The following NSD2 variants were observed in gnomAD, a reference collection of about 807,000 sequenced individuals.
NSD2 encodes histone-lysine N-methyltransferase NSD2.
NSD2 carries 12 observed loss-of-function variants against 139.0 expected under a neutral mutation model. The ratio of observed to expected loss-of-function variants is 0.09; its 90% confidence interval spans 0.06 to 0.14. NSD2 has a LOEUF of 0.14. Among genes scored for constraint, NSD2 ranks in the 10% least tolerant of loss-of-function variants. The pLI, the probability that NSD2 is intolerant of heterozygous loss-of-function variation, is 1.00. For synonymous variants in NSD2, 669 were observed against 648.7 expected, an observed-to-expected ratio of 1.03 and a Z score of -0.48; for missense variants, 1,155 against 1,745.0, an observed-to-expected ratio of 0.66 and a Z score of 6.02.
At chr4:1,889,112 G>A (rs1280291931) in intron 1 of NSD2, among the ~76,000 whole-genome samples, 1 of 151,736 alleles carries the variant, frequency 6.6e-6, no homozygotes, top group Non-Finnish European at 1.5e-5. Flanking sequence ...TGGCCAGGCT[G>A]GTCTGGAACT....
chr4:1,876,456 T>C (rs990716281), intron 1 of NSD2, among the ~76,000 whole-genome samples: 7 of 152,116 alleles, frequency 4.6e-5, no homozygotes, highest in Non-Finnish European at 8.8e-5. Flanking sequence ...TTTGGGAGGC[T>C]GAGGTGGGAG....
chr4:1,956,823 C>T lies in NSD2; in HGVS notation c.2881+635C>T, dbSNP rs1429603951. On this transcript the variant is annotated intron_variant, in intron 15 of 21. Transcript: ENST00000508803. The surrounding 1 kb of genome is among the most constrained non-coding windows in gnomAD (Gnocchi z 5.3). ...GGAGAAGCACACGCTGTGTTGCAGCCGGGTCAGTGCTGGCTCCTGTGTGAC... is the reference window on the plus strand; with the variant it reads ...GGAGAAGCACACGCTGTGTTGCAGCTGGGTCAGTGCTGGCTCCTGTGTGAC... Among the ~76,000 whole-genome samples, 1 of 152,186 alleles carries T rather than the reference C, an allele frequency of 6.6e-6. No homozygotes were observed. The highest frequency in any genetic ancestry group is 2.4e-5 in the African/African-American group (1 of 41,436).
At chr4:1,944,577 G>A (rs983014021) in intron 9 of NSD2, 3 of 1,064,130 alleles carry the variant, frequency 2.8e-6, no homozygotes, top group Non-Finnish European at 1.1e-6. Context: ...TTCACTAGAG[G>A]TGAAAACTTG....
chr4:1,879,369 C>G (rs1714535217), intron 1 of NSD2, among the ~76,000 whole-genome samples: 1 of 152,032 alleles, frequency 6.6e-6, no homozygotes, highest in Admixed American at 6.6e-5. Flanking sequence ...CAGGCGCCCG[C>G]CACCATGCCC....
intron 3 of NSD2, among the ~76,000 whole-genome samples, chr4:1,910,085 T>C (rs1389001835): frequency 6.6e-6 from 1 of 152,192 alleles, no homozygotes; most frequent in African/African-American, 2.4e-5. Flanking sequence ...TACAGCTCAA[T>C]CTAGATTCTT....
chr4:1,894,828 GCAT>G (rs1716036976), intron 1 of NSD2, among the ~76,000 whole-genome samples: 1 of 152,128 alleles, frequency 6.6e-6, no homozygotes, highest in African/African-American at 2.4e-5. Context: ...CTATTTTAAA[GCAT>G]TTAGTTCTAT....
chr4:1,945,904 TACAAC>T (rs1723581181), intron 9 of NSD2: 1 of 1,059,226 alleles, frequency 9.4e-7, no homozygotes, highest in Non-Finnish European at 1.1e-6. Context: ...TCATTTGACT[TACAAC>T]ACACTTCTCT....
intron 3 of NSD2, among the ~76,000 whole-genome samples, chr4:1,909,914 C>G (rs958385003): frequency 1.3e-5 from 2 of 151,360 alleles, no homozygotes; most frequent in Non-Finnish European, 2.9e-5. Flanking sequence ...GCTGTGATTA[C>G]AGGCGTGAGT....
At position 1,976,062 on chromosome 4, in the gene NSD2, C is replaced by G. The variant is rs115487829; in HGVS notation, c.3622-413C>G. Among the ~76,000 whole-genome samples, 1,654 of 152,274 alleles carry G rather than the reference C, an allele frequency of 0.011. 20 individuals carry two copies. The highest frequency in any genetic ancestry group is 0.038 in the African/African-American group (1,571 of 41,554). On this transcript the variant is annotated intron_variant, in intron 20 of 21. Transcript: ENST00000508803. The surrounding 1 kb of genome is among the most constrained non-coding windows in gnomAD (Gnocchi z 5.3). ...CCTCAGCCGTGTTGCTGAGGATGGT[C>G]ACTGCCCTCAGGTCACTGCCGCCCA... is the stretch of plus-strand genomic sequence containing the variant.
Position 1,948,233 on chromosome 4 carries a change from G to A in NSD2, c.1882-2839G>A. ...CTGTGGTGGACGCGGGAAACAACGG[G>A]AAAGTTCTTGACAGAGTCTGTGTCC... is the stretch of plus-strand genomic sequence containing the variant. On this transcript the variant is annotated intron_variant, in intron 9 of 21. Transcript: ENST00000508803. This position sits in a 1 kb window ranked among gnomAD's most constrained non-coding sequence, Gnocchi z 4.5. The A allele has an allele frequency of 9.4e-7, 1 of 1,064,622 alleles. No individual in the cohort carries two copies. The highest frequency in any genetic ancestry group is 1.1e-6 in the Non-Finnish European group (1 of 878,452). 65.9% of individuals were successfully genotyped at this position (1,064,622 alleles called of 1,614,324 possible). A position where few individuals can be genotyped will look rare whatever the true frequency, so the allele number is the denominator to read the frequency against.
intron 17 of NSD2, 63 bp from the exon 18 acceptor site, chr4:1,960,962 GGGAGTCTTGA>G: frequency 8.6e-7 from 1 of 1,163,944 alleles, no homozygotes; most frequent in South Asian, 1.3e-5. Flanking sequence ...GATCATGATG[GGGAGTCTTGA>G]GCCCCGACAC....
At chr4:1,928,575 G>T (rs1348533808) in intron 5 of NSD2, among the ~76,000 whole-genome samples, 1 of 152,156 alleles carries the variant, frequency 6.6e-6, no homozygotes, top group Non-Finnish European at 1.5e-5. Flanking sequence ...TGGCTTCCCC[G>T]CAGAAGCCGT....
At chr4:1,975,128 T>C in intron 19 of NSD2, 124 bp downstream of exon 19, 3 of 1,508,544 alleles carry the variant, frequency 2.0e-6, no homozygotes, top group Non-Finnish European at 2.7e-6. Context: ...TGGAGTCTCT[T>C]TTGGTTTGAA....
At chr4:1,907,060 G>T (rs1251271214) in intron 3 of NSD2, among the ~76,000 whole-genome samples, 2 of 152,122 alleles carry the variant, frequency 1.3e-5, no homozygotes, top group Non-Finnish European at 2.9e-5. Context: ...TGCGGTTGAG[G>T]CTGGGACTCA....
Position 1,929,138 on chromosome 4 carries a change from T to G in NSD2, c.1411-1488T>G, listed in dbSNP as rs574151436. ...GGTGGTGGGTGGGCATTGGTGGGTGTTGGTGTCCAGGCCAGGGTGAGGACA... is the reference window on the plus strand; with the variant it reads ...GGTGGTGGGTGGGCATTGGTGGGTGGTGGTGTCCAGGCCAGGGTGAGGACA... On this transcript the variant is annotated intron_variant, in intron 5 of 21. Coordinates refer to ENST00000508803, the MANE Select transcript of NSD2 (RefSeq NM_001042424.3). Among the ~76,000 whole-genome samples the G allele has an allele frequency of 2.8e-4, 43 of 151,904 alleles. 1 individual carries two copies. In the Middle Eastern group the frequency reaches 0.02, roughly 72 times the overall value.
At chr4:1,947,100 C>CA in intron 9 of NSD2, 1 of 1,065,054 alleles carries the variant, frequency 9.4e-7, no homozygotes, top group African/African-American at 1.6e-5. Flanking sequence ...GCAGTTTTGT[C>CA]ATTGTCCTCA....
At chr4:1,953,635 A>G in intron 12 of NSD2, 111 bp downstream of exon 12, 2 of 1,335,728 alleles carry the variant, frequency 1.5e-6, no homozygotes, top group Non-Finnish European at 2.0e-6. Flanking sequence ...AGCATTAATT[A>G]TCTTGAGTGA....
chr4:1,896,077 C>G (rs1716250790), intron 1 of NSD2, among the ~76,000 whole-genome samples: 1 of 152,372 alleles, frequency 6.6e-6, no homozygotes, highest in East Asian at 1.9e-4. Context: ...GGTAGAGGCT[C>G]TTGGCCGGGG....
chr4:1,879,092 C>T (rs979892492), intron 1 of NSD2, among the ~76,000 whole-genome samples: 10 of 152,172 alleles, frequency 6.6e-5, no homozygotes, highest in Admixed American at 6.6e-4. Flanking sequence ...TCTGGAGCTT[C>T]ACTGTTTGCT....
Sources: allele counts gnomAD v4.1 joint callset (sites outside exome capture counted in the v4.1 genomes callset), GRCh38; gene constraint gnomAD v4.1.1; non-coding constraint Gnocchi (gnomAD v3.1); transcripts MANE v1.5; gene names NCBI Gene and HGNC (gene_info 2026-07-23, HGNC 2026-07-21).